Variants in GSK3B observed in about 807,000 individuals in gnomAD.
GSK3B encodes glycogen synthase kinase 3 beta, also known as glycogen synthase kinase-3 beta.
A neutral mutation model predicts 56.4 loss-of-function variants in GSK3B; 15 were observed. The observed-to-expected ratio is 0.27, with a 90% CI of 0.18 to 0.41. The LOEUF is 0.41. Among genes scored for constraint, GSK3B ranks in the 10% least tolerant of loss-of-function variants. GSK3B has a pLI of 1.00. For missense variants in GSK3B, 300 were observed against 513.4 expected (o/e 0.58, Z 4.02); for synonymous variants, 181 against 188.9 (o/e 0.96, Z 0.34).
chr3:119,875,020 A>G (rs566781443), intron 8 of GSK3B, among the ~76,000 whole-genome samples: 1 of 152,248 alleles, frequency 6.6e-6, no homozygotes, highest in East Asian at 1.9e-4. Context: ...CAGATTTAAA[A>G]TAAGCCTTGA....
intron 1 of GSK3B, among the ~76,000 whole-genome samples, chr3:120,030,875 A>G (rs2057969522): frequency 1.3e-5 from 2 of 152,342 alleles, no homozygotes; most frequent in South Asian, 4.1e-4. Flanking sequence ...TGAATCAAAA[A>G]CCAGTGAACA....
At chr3:119,852,374 A>T (rs1340717904) in intron 9 of GSK3B, among the ~76,000 whole-genome samples, 2 of 151,570 alleles carry the variant, frequency 1.3e-5, no homozygotes, top group Non-Finnish European at 2.9e-5. Flanking sequence ...TTAAAGACAG[A>T]GTCTCGCTCT....
At chr3:119,937,542 A>G (rs1384846899) in intron 3 of GSK3B, among the ~76,000 whole-genome samples, 1 of 152,056 alleles carries the variant, frequency 6.6e-6, no homozygotes, top group Non-Finnish European at 1.5e-5. Context: ...TAGCAGCACT[A>G]AACTGACTAA....
intron 1 of GSK3B, among the ~76,000 whole-genome samples, chr3:120,061,182 T>G (rs951267073): frequency 5.9e-5 from 9 of 152,230 alleles, no homozygotes; most frequent in African/African-American, 2.2e-4. Context: ...GCGTGAGGAA[T>G]TTACTGTTTA....
intron 2 of GSK3B, among the ~76,000 whole-genome samples, chr3:119,993,841 G>C (rs569405366): frequency 5.9e-5 from 9 of 152,302 alleles, no homozygotes; most frequent in Admixed American, 5.9e-4. Flanking sequence ...CTGGCTAAGG[G>C]GATCTAGATC....
intron 1 of GSK3B, among the ~76,000 whole-genome samples, chr3:120,049,029 T>C (rs969830365): frequency 6.6e-6 from 1 of 152,216 alleles, no homozygotes; most frequent in African/African-American, 2.4e-5. Flanking sequence ...ATCTAGTTCC[T>C]TTTTAATGGG....
At chr3:119,985,317 G>C (rs1312480319) in intron 2 of GSK3B, among the ~76,000 whole-genome samples, 2 of 152,156 alleles carry the variant, frequency 1.3e-5, no homozygotes, top group Non-Finnish European at 2.9e-5. Flanking sequence ...ATTCAACATA[G>C]TGTTGGAAGT....
At chr3:119,983,376 A>G (rs566697150) in intron 2 of GSK3B, among the ~76,000 whole-genome samples, 84 of 152,306 alleles carry the variant, frequency 5.5e-4, no homozygotes, top group African/African-American at 1.9e-3. Flanking sequence ...AAATGTAAAC[A>G]GGCTAAATGC....
intron 2 of GSK3B, among the ~76,000 whole-genome samples, chr3:119,948,994 G>T (rs575840421): frequency 6.6e-6 from 1 of 152,172 alleles, no homozygotes; most frequent in Non-Finnish European, 1.5e-5. Flanking sequence ...GAGCCACAGC[G>T]CCCAGCCTCT....
chr3:119,826,421 GT>G lies in GSK3B; in HGVS notation c.*366del. The G allele has an allele frequency of 2.3e-6, 1 of 435,392 alleles. No homozygotes were observed. Among genetic ancestry groups the G allele is most frequent in the Non-Finnish European group, 4.2e-6 (1 of 235,752 alleles). 27.0% of individuals were successfully genotyped at this position (435,392 alleles called of 1,614,324 possible). A position where few individuals can be genotyped will look rare whatever the true frequency, so the allele number is the denominator to read the frequency against. On this transcript the variant is annotated 3_prime_UTR_variant, in exon 11 of 11. Transcript: ENST00000264235. ...AAAAAACCCATCAGCACAGAAAAAGGTTTTCTTCTTTTGTGGAAGGGGCATG... is the reference window on the plus strand; with the variant it reads ...AAAAAACCCATCAGCACAGAAAAAGGTTTCTTCTTTTGTGGAAGGGGCATG...
At chr3:119,882,118 T>G (rs2056385473) in intron 7 of GSK3B, among the ~76,000 whole-genome samples, 1 of 151,996 alleles carries the variant, frequency 6.6e-6, no homozygotes, top group Non-Finnish European at 1.5e-5. Flanking sequence ...AATGTAAAAG[T>G]CAGGATGTTC....
chr3:120,072,232 G>A (rs887826454), intron 1 of GSK3B, among the ~76,000 whole-genome samples: 2 of 152,170 alleles, frequency 1.3e-5, no homozygotes, highest in African/African-American at 4.8e-5. Flanking sequence ...TCCAACTCAT[G>A]AAAATGATAA....
intron 1 of GSK3B, among the ~76,000 whole-genome samples, chr3:120,025,832 GA>G: frequency 6.6e-6 from 1 of 152,138 alleles, no homozygotes; most frequent in Non-Finnish European, 1.5e-5. Context: ...ACTAAGTTAT[GA>G]AAAAACAGGC....
At chr3:119,922,230 GA>G in intron 4 of GSK3B, among the ~76,000 whole-genome samples, 1 of 69,870 alleles carries the variant, frequency 1.4e-5, no homozygotes, top group East Asian at 2.9e-4. Context: ...AGGAAGGAGG[GA>G]AGGAAGGAAG....
intron 2 of GSK3B, among the ~76,000 whole-genome samples, chr3:119,991,570 A>C (rs2057565980): frequency 6.8e-6 from 1 of 146,782 alleles, no homozygotes; most frequent in South Asian, 2.2e-4. Flanking sequence ...AGGTTGGTTT[A>C]TTTAATTGAA....
At chr3:119,988,239 A>G (rs2057534213) in intron 2 of GSK3B, among the ~76,000 whole-genome samples, 1 of 152,196 alleles carries the variant, frequency 6.6e-6, no homozygotes, top group Non-Finnish European at 1.5e-5. Context: ...AATCTTTTTA[A>G]TGTTTTAACA....
At position 119,939,482 on chromosome 3, in the gene GSK3B, A is replaced by G. The variant is rs73854746; in HGVS notation, c.366+7786T>C. Among the ~76,000 whole-genome samples, 749 of 152,304 alleles carry G rather than the reference A, an allele frequency of 4.9e-3. 3 individuals are homozygous for G. Among genetic ancestry groups the G allele is most frequent in the African/African-American group, 0.017 (703 of 41,584 alleles). On this transcript the variant is annotated intron_variant, in intron 3 of 10. Coordinates refer to ENST00000264235, the MANE Select transcript of GSK3B (RefSeq NM_001146156.2). ...CATCTCCAATGCTAATTGATCATAT[A>G]AAGCTTTTGGTAAACCCAGACAATA...
chr3:119,941,874 A>C (rs1261825989), intron 3 of GSK3B, among the ~76,000 whole-genome samples: 6 of 152,180 alleles, frequency 3.9e-5, no homozygotes, highest in African/African-American at 1.4e-4. Flanking sequence ...TGGAATGCAA[A>C]CTCAAATATT....
chr3:119,964,747 A>T (rs1457092246), intron 2 of GSK3B, among the ~76,000 whole-genome samples: 1 of 152,232 alleles, frequency 6.6e-6, no homozygotes, highest in Non-Finnish European at 1.5e-5. Flanking sequence ...TGTCATGTCA[A>T]ATATTCTTAC....
Sources: allele counts gnomAD v4.1 joint callset (sites outside exome capture counted in the v4.1 genomes callset), GRCh38; gene constraint gnomAD v4.1.1; transcripts MANE v1.5; gene names NCBI Gene and HGNC (gene_info 2026-07-23, HGNC 2026-07-21).